The following GPC4 variants were observed in gnomAD, a reference collection of about 807,000 sequenced individuals.
GPC4 encodes the protein glypican 4.
GPC4 carries 10 observed loss-of-function variants against 35.0 expected under a neutral mutation model. That is an observed-to-expected ratio of 0.29 (90% CI 0.18 to 0.48). GPC4 has a LOEUF of 0.48. Ranked by LOEUF, GPC4 falls within the 20% of genes least tolerant of loss-of-function variation. GPC4 has a pLI of 0.99. For missense variants in GPC4, 322 were observed against 451.3 expected, an observed-to-expected ratio of 0.71 and a Z score of 2.60; for synonymous variants, 167 against 170.2, an observed-to-expected ratio of 0.98 and a Z score of 0.15.
intron 1 of GPC4, among the ~76,000 whole-genome samples, chrX:133,347,247 A>AGTTT (rs1569347694): frequency 4.4e-5 from 1 of 22,785 alleles, no homozygotes; most frequent in African/African-American, 2.4e-4. Flanking sequence ...TTCTATTAGA[A>AGTTT]GTTTTTTTTT....
chrX:133,370,177 T>C (rs749463639), intron 1 of GPC4, among the ~76,000 whole-genome samples: 1 of 111,946 alleles, frequency 8.9e-6, no homozygotes, highest in African/African-American at 3.2e-5. Flanking sequence ...GCCCTGAGAA[T>C]AGAAGATATG....
chrX:133,371,662 G>GA (rs201759089), intron 1 of GPC4, among the ~76,000 whole-genome samples: 1,406 of 110,156 alleles, frequency 0.013, 32 homozygotes, highest in African/African-American at 0.044. Flanking sequence ...TTCTTTGACA[G>GA]AAAAAAAAAT....
At chrX:133,367,277 T>G (rs2068593805) in intron 1 of GPC4, among the ~76,000 whole-genome samples, 1 of 111,770 alleles carries the variant, frequency 8.9e-6, no homozygotes, top group South Asian at 3.8e-4. Flanking sequence ...GTGTGATCCT[T>G]TTCAGACATT....
chrX:133,387,875 T>A (rs917680815), intron 1 of GPC4, among the ~76,000 whole-genome samples: 8 of 111,952 alleles, frequency 7.1e-5, no homozygotes, highest in African/African-American at 2.6e-4. Context: ...GCTTCTTCAG[T>A]TTCTAACATT....
chrX:133,347,169 G>A (rs978856045), intron 1 of GPC4, among the ~76,000 whole-genome samples: 1 of 106,845 alleles, frequency 9.4e-6, no homozygotes, highest in Non-Finnish European at 1.9e-5. Flanking sequence ...TGTTAATAAC[G>A]GGATACTGGG....
Position 133,389,864 on chromosome X carries a change from C to T in GPC4, c.160+24942G>A, listed in dbSNP as rs1217877505. 2.7e-5 allele frequency among the ~76,000 whole-genome samples: 3 copies of T among 111,631 alleles called. No individual in the cohort carries two copies. The East Asian group carries it at 8.4e-4, about 31-fold the overall frequency. On this transcript the variant is annotated intron_variant, in intron 1 of 8. Transcript: ENST00000370828. ...GCACTCATGGGTGTTAGATTTCGGG[C>T]AGGAGCATCCTAAAGCAAATTTTGA...
chrX:133,397,911 A>C (rs977472729), intron 1 of GPC4, among the ~76,000 whole-genome samples: 1 of 110,418 alleles, frequency 9.1e-6, no homozygotes, highest in African/African-American at 3.3e-5. Context: ...AAATCCAAAA[A>C]TTAGCTGGGC....
chrX:133,411,654 G>A (rs750034175), intron 1 of GPC4, among the ~76,000 whole-genome samples: 1 of 111,463 alleles, frequency 9.0e-6, no homozygotes, highest in Non-Finnish European at 1.9e-5. Flanking sequence ...AAAGGTCCTG[G>A]TGGCAGAAGC....
At chrX:133,350,576 C>A (rs1002540570) in intron 1 of GPC4, among the ~76,000 whole-genome samples, 12 of 111,416 alleles carry the variant, frequency 1.1e-4, no homozygotes, top group Non-Finnish European at 2.3e-4. Flanking sequence ...AAACAAAAAA[C>A]AGTGATCCAT....
Position 133,324,328 on chromosome X carries a change from C to T in GPC4, c.528G>A (p.Val176=). 8.3e-7 allele frequency: 1 copy of T among 1,211,480 alleles called. No homozygotes were observed. The highest frequency in any genetic ancestry group is 1.8e-5 in the South Asian group (1 of 56,887). ...ARLLERMFRL[V]NSQYHFTDEY... ...CATCTGTAAAGTGGTACTGGGAGTTCACCAGGCGGAACATCCGCTCCAGGA... is the reference window on the plus strand; with the variant it reads ...CATCTGTAAAGTGGTACTGGGAGTTTACCAGGCGGAACATCCGCTCCAGGA... Residue 176 remains valine, a synonymous_variant, in exon 3 of 9, where the codon GTG becomes GTA. Coordinates refer to ENST00000370828, the MANE Select transcript of GPC4 (RefSeq NM_001448.3).
At chrX:133,396,451 T>C (rs1387297412) in intron 1 of GPC4, among the ~76,000 whole-genome samples, 2 of 112,177 alleles carry the variant, frequency 1.8e-5, no homozygotes, top group African/African-American at 6.5e-5. Flanking sequence ...ATAACATGAT[T>C]CAAAGACATT....
intron 1 of GPC4, among the ~76,000 whole-genome samples, chrX:133,377,322 C>G (rs2068638093): frequency 9.0e-6 from 1 of 111,477 alleles, no homozygotes; most frequent in Non-Finnish European, 1.9e-5. Flanking sequence ...ACAATTTCCT[C>G]ACATGCAACA....
intron 1 of GPC4, among the ~76,000 whole-genome samples, chrX:133,343,740 CTT>C (rs897046937): frequency 9.0e-6 from 1 of 111,560 alleles, no homozygotes; most frequent in African/African-American, 3.3e-5. Context: ...AAGAGCCAAA[CTT>C]TTTTCAATCA....
intron 1 of GPC4, among the ~76,000 whole-genome samples, chrX:133,347,253 T>G (rs73639709): frequency 7.5e-4 from 53 of 70,872 alleles, no homozygotes; most frequent in South Asian, 2.3e-3. Flanking sequence ...TAGAAGTTTT[T>G]TTTTTTTTTT....
chrX:133,361,170 C>T (rs113448969), intron 1 of GPC4, among the ~76,000 whole-genome samples: 8 of 111,526 alleles, frequency 7.2e-5, no homozygotes, highest in African/African-American at 2.3e-4. Flanking sequence ...GAAAACAGAC[C>T]TAAGAGGTGA....
In GPC4 at chrX:133,303,400, T is replaced by C. The variant is rs920576813; in HGVS notation, c.1293-59A>G. 5 of 1,020,087 alleles carry C rather than the reference T, an allele frequency of 4.9e-6. No homozygotes were observed. In the East Asian group the frequency reaches 9.2e-5, roughly 19 times the overall value. The allele number at this position is 1,020,087 out of a possible 1,213,427, so 84.1% of individuals were successfully genotyped here. A position where few individuals can be genotyped will look rare whatever the true frequency, so the allele number is the denominator to read the frequency against. ...GTAAAGCGAAAAGATTTTATCTGTCTGCCTCCCAAAGTGCTGGGATTACAG... is the reference window on the plus strand; with the variant it reads ...GTAAAGCGAAAAGATTTTATCTGTCCGCCTCCCAAAGTGCTGGGATTACAG... On this transcript the variant is annotated intron_variant, in intron 7 of 8. Coordinates refer to ENST00000370828, the MANE Select transcript of GPC4 (RefSeq NM_001448.3).
At chrX:133,310,815 A>AC (rs1398196546) in intron 4 of GPC4, among the ~76,000 whole-genome samples, 2 of 111,853 alleles carry the variant, frequency 1.8e-5, no homozygotes, top group African/African-American at 6.5e-5. Flanking sequence ...AACACAACTG[A>AC]CTTTCAGGCG....
Position 133,415,096 on chromosome X carries a change from G to T in GPC4, c.-131C>A. ...GGAGGGAGAAGGAGTTGGAGTTGGT[G>T]GAAGAGGCGAGCAGGCGGAGGAGAC... On this transcript the variant is annotated 5_prime_UTR_variant, in exon 1 of 9. Transcript: ENST00000370828. 1.5e-6 allele frequency: 1 copy of T among 654,796 alleles called. No homozygotes were observed. The allele number at this position is 654,796 out of a possible 1,213,427, so 54.0% of individuals were successfully genotyped here.
intron 1 of GPC4, among the ~76,000 whole-genome samples, chrX:133,378,729 T>C (rs1000731869): frequency 4.5e-5 from 5 of 111,073 alleles, no homozygotes; most frequent in South Asian, 3.8e-4. Context: ...CCAGAGCCCA[T>C]ACTCTTAACT....
Sources: allele counts gnomAD v4.1 joint callset (sites outside exome capture counted in the v4.1 genomes callset), GRCh38; gene constraint gnomAD v4.1.1; transcripts MANE v1.5; gene names NCBI Gene and HGNC (gene_info 2026-07-23, HGNC 2026-07-21).